NR3C2: variants seen among roughly 807,000 people sequenced by gnomAD.
NR3C2 encodes the protein mineralocorticoid receptor.
Under a neutral mutation model 86.4 loss-of-function variants are expected in NR3C2, and 15 were observed. That is an observed-to-expected ratio of 0.17 (90% CI 0.12 to 0.27). NR3C2 has a LOEUF of 0.27. Among genes scored for constraint, NR3C2 ranks in the 10% least tolerant of loss-of-function variants. The pLI is 1.00. For missense variants in NR3C2, 960 were observed against 1,195.6 expected, an observed-to-expected ratio of 0.80 and a Z score of 2.91; for synonymous variants, 458 against 450.5, an observed-to-expected ratio of 1.02 and a Z score of -0.21.
intron 3 of NR3C2, among the ~76,000 whole-genome samples, chr4:148,236,788 G>A (rs1424964394): frequency 1.3e-5 from 2 of 152,130 alleles, no homozygotes; most frequent in Non-Finnish European, 2.9e-5. Flanking sequence ...AATTACGCCA[G>A]GACACAGGTG....
Position 148,375,740 on chromosome 4 carries a change from C to T in NR3C2, c.1757+59364G>A, listed in dbSNP as rs545791444. Among the ~76,000 whole-genome samples the T allele has an allele frequency of 2.0e-5, 3 of 152,060 alleles. No individual in the cohort carries two copies. In the South Asian group the frequency reaches 6.2e-4, roughly 32 times the overall value. On this transcript the variant is annotated intron_variant, in intron 2 of 8. Coordinates refer to ENST00000358102, the MANE Select transcript of NR3C2 (RefSeq NM_000901.5). ...AAAAACAGTTTCAAAAGAGACACACCCTACAGCTGAAAAGCAGAACTCCGC... is the reference window on the plus strand; with the variant it reads ...AAAAACAGTTTCAAAAGAGACACACTCTACAGCTGAAAAGCAGAACTCCGC...
chr4:148,365,620 G>T (rs1746075187), intron 2 of NR3C2, among the ~76,000 whole-genome samples: 1 of 149,522 alleles, frequency 6.7e-6, no homozygotes. Flanking sequence ...TATTAGTGTG[G>T]GAAATAAGAA....
chr4:148,411,011 A>G (rs996165127), intron 2 of NR3C2, among the ~76,000 whole-genome samples: 1 of 152,192 alleles, frequency 6.6e-6, no homozygotes, highest in Non-Finnish European at 1.5e-5. Flanking sequence ...ATGTCATCTT[A>G]TACAATTTGG....
intron 2 of NR3C2, among the ~76,000 whole-genome samples, chr4:148,344,038 T>C (rs551103987): frequency 7.2e-5 from 11 of 152,302 alleles, no homozygotes; most frequent in Admixed American, 2.0e-4. Flanking sequence ...GCATAAGCTA[T>C]ATCTAGAGGA....
At chr4:148,264,922 T>C (rs1034115676) in intron 2 of NR3C2, among the ~76,000 whole-genome samples, 64 of 152,294 alleles carry the variant, frequency 4.2e-4, no homozygotes, top group Middle Eastern at 3.4e-3. Flanking sequence ...TGCTGCTGAT[T>C]TTGGTTAAAA....
intron 2 of NR3C2, among the ~76,000 whole-genome samples, chr4:148,434,839 C>T (rs1030076193): frequency 6.6e-6 from 1 of 152,168 alleles, no homozygotes; most frequent in Non-Finnish European, 1.5e-5. Context: ...ATTTTCCGAA[C>T]ACCTAAAACA....
intron 2 of NR3C2, among the ~76,000 whole-genome samples, chr4:148,357,959 A>C (rs1056027046): frequency 5.3e-5 from 8 of 152,280 alleles, no homozygotes; most frequent in African/African-American, 1.9e-4. Context: ...ATGCACTGAA[A>C]ATATCCTCTT....
In NR3C2 at chr4:148,265,673, C is replaced by T. The variant is rs112625968; in HGVS notation, c.1758-5556G>A. On this transcript the variant is annotated intron_variant, in intron 2 of 8. Transcript: ENST00000358102. Reference sequence around the variant, plus strand: ...TAAAAGCTTCTACCACCACCATCACCGGCTACAGTGTTTTCTGTTTTTCCA... The same window carrying T: ...TAAAAGCTTCTACCACCACCATCACTGGCTACAGTGTTTTCTGTTTTTCCA... Among the ~76,000 whole-genome samples, 6 of 152,294 alleles carry T rather than the reference C, an allele frequency of 3.9e-5. No individual in the cohort carries two copies. The East Asian group carries it at 5.8e-4, about 15-fold the overall frequency.
chr4:148,100,408 GCAAAGA>G (rs766005268), intron 8 of NR3C2, among the ~76,000 whole-genome samples: 4 of 152,178 alleles, frequency 2.6e-5, no homozygotes, highest in Admixed American at 2.0e-4. Flanking sequence ...ATAAAATGGG[GCAAAGA>G]CTTGAAAGAC....
intron 2 of NR3C2, among the ~76,000 whole-genome samples, chr4:148,360,993 A>T (rs4835137): frequency 0.98 from 149,821 of 152,232 alleles, 73,766 homozygotes; most frequent in East Asian, 1. Flanking sequence ...CTTGCAACAT[A>T]AACACCCTGA....
intron 2 of NR3C2, among the ~76,000 whole-genome samples, chr4:148,377,133 G>C (rs1027834775): frequency 1.3e-5 from 2 of 152,056 alleles, no homozygotes; most frequent in Non-Finnish European, 2.9e-5. Flanking sequence ...ACAAAAGAAA[G>C]GTAAATACAT....
At position 148,194,861 on chromosome 4, in the gene NR3C2, C is replaced by G. The variant is rs1736366543; in HGVS notation, c.1899G>C (p.Gly633=). The change falls in exon 4 of 9, where the codon GGG becomes GGC. Residue 633 remains glycine, a splice_region_variant and synonymous_variant. Coordinates refer to ENST00000358102, the MANE Select transcript of NR3C2 (RefSeq NM_000901.5). ...CKVFFKRAVE[G]QHNYLCAGRN... The stretch of plus-strand genomic sequence containing the variant: ...TTCCAGCACATAAATAGTTGTGTTG[C>G]CCTGATTAAAATAATAAAAAATAAC... 1.2e-6 allele frequency: 2 copies of G among 1,603,656 alleles called. No homozygotes were observed. The highest frequency in any genetic ancestry group is 1.3e-5 in the African/African-American group (1 of 74,730).
intron 2 of NR3C2, among the ~76,000 whole-genome samples, chr4:148,370,408 T>C (rs560046074): frequency 1.4e-4 from 21 of 152,374 alleles, no homozygotes; most frequent in African/African-American, 4.8e-4. Flanking sequence ...ATGGTTGCTA[T>C]TCACTTTTAT....
intron 2 of NR3C2, among the ~76,000 whole-genome samples, chr4:148,379,541 C>G (rs1434250894): frequency 6.6e-6 from 1 of 152,074 alleles, no homozygotes; most frequent in Admixed American, 6.5e-5. Flanking sequence ...ATTTCCTAAG[C>G]TGAATTTCCA....
chr4:148,265,717 A>G (rs763146482), intron 2 of NR3C2, among the ~76,000 whole-genome samples: 15 of 152,234 alleles, frequency 9.9e-5, no homozygotes, highest in African/African-American at 3.4e-4. Context: ...CAATTCAAAC[A>G]TTCATTCACC....
chr4:148,213,143 T>C (rs1475006522), intron 3 of NR3C2, among the ~76,000 whole-genome samples: 2 of 152,052 alleles, frequency 1.3e-5, no homozygotes, highest in East Asian at 1.9e-4. Flanking sequence ...ATGGGTTTTT[T>C]TTTTTTTAGA....
chr4:148,291,119 C>T (rs1426921991), intron 2 of NR3C2, among the ~76,000 whole-genome samples: 2 of 152,034 alleles, frequency 1.3e-5, no homozygotes, highest in Non-Finnish European at 2.9e-5. Flanking sequence ...TTCTTTATTC[C>T]ACTTGTTACT....
intron 2 of NR3C2, among the ~76,000 whole-genome samples, chr4:148,376,051 T>C (rs186480273): frequency 1.3e-5 from 2 of 152,084 alleles, no homozygotes; most frequent in Admixed American, 6.6e-5. Flanking sequence ...GTCCTTTACA[T>C]TGGTCATGAA....
intron 2 of NR3C2, among the ~76,000 whole-genome samples, chr4:148,320,495 C>T (rs988438879): frequency 2.2e-5 from 3 of 136,716 alleles, no homozygotes; most frequent in African/African-American, 5.8e-5. Context: ...GGCTGTGAAT[C>T]CATCTGGTCC....
Sources: allele counts gnomAD v4.1 joint callset (sites outside exome capture counted in the v4.1 genomes callset), GRCh38; gene constraint gnomAD v4.1.1; transcripts MANE v1.5; gene names NCBI Gene and HGNC (gene_info 2026-07-23, HGNC 2026-07-21).